CACNG7: variants seen among roughly 807,000 people sequenced by gnomAD.
CACNG7 encodes voltage-dependent calcium channel gamma-7 subunit.
A neutral mutation model predicts 26.3 loss-of-function variants in CACNG7; 9 were observed. That is an observed-to-expected ratio of 0.34 (90% CI 0.21 to 0.60). The LOEUF (loss-of-function observed/expected upper bound fraction) is 0.60. Among genes scored for constraint, CACNG7 ranks in the 20% least tolerant of loss-of-function variants. The pLI is 0.81. For missense variants in CACNG7, 297 were observed against 380.4 expected, an observed-to-expected ratio of 0.78 and a Z score of 1.82; for synonymous variants, 170 against 157.0, an observed-to-expected ratio of 1.08 and a Z score of -0.62.
chr19:53,923,771 T>C (rs1599982523), intron 4 of CACNG7, among the ~76,000 whole-genome samples: 1 of 102,938 alleles, frequency 9.7e-6, no homozygotes, highest in Non-Finnish European at 1.9e-5. Flanking sequence ...TTGCCCCAGG[T>C]CTGGTCATTG....
At chr19:53,922,078 T>TC (rs551639405) in intron 4 of CACNG7, among the ~76,000 whole-genome samples, 1 of 85,636 alleles carries the variant, frequency 1.2e-5, no homozygotes, top group African/African-American at 6.0e-5. Context: ...CCAGGTCTGG[T>TC]ATTGGTGGAG....
chr19:53,920,829 T>C (rs1362718026), intron 4 of CACNG7, among the ~76,000 whole-genome samples: 3 of 92,870 alleles, frequency 3.2e-5, no homozygotes, highest in South Asian at 7.8e-4. Context: ...TTGGTGGAGT[T>C]GTCCCCAGGC....
Position 53,915,420 on chromosome 19 carries a change from G to A in CACNG7, c.339G>A (p.Thr113=), listed in dbSNP as rs762782484. 5.0e-6 allele frequency: 8 copies of A among 1,613,772 alleles called. No individual in the cohort carries two copies. Among genetic ancestry groups the A allele is most frequent in the Non-Finnish European group, 5.9e-6 (7 of 1,179,988 alleles). The change falls in exon 4 of 6, where the codon ACG becomes ACA. Residue 113 remains threonine (T), a synonymous_variant. Coordinates refer to ENST00000391767, the MANE Select transcript of CACNG7 (RefSeq NM_031896.5). ...TGGTCAGCCTCTTCCTCGTGTTCAC[G>A]GCCTTCGTCATCAGCAACATCGGCC... ...FPMVSLFLVF[T]AFVISNIGHI... is the part of the protein sequence containing the mutation.
At chr19:53,922,710 G>C (rs1489488948) in intron 4 of CACNG7, among the ~76,000 whole-genome samples, 3 of 71,210 alleles carry the variant, frequency 4.2e-5, no homozygotes, top group African/African-American at 2.8e-4. Context: ...GTCATTGGTG[G>C]AGTTGCCCCA....
At chr19:53,931,915 CCA>C (rs2069075574) in intron 4 of CACNG7, among the ~76,000 whole-genome samples, 2 of 150,936 alleles carry the variant, frequency 1.3e-5, no homozygotes, top group African/African-American at 4.9e-5. Context: ...GCGGCCACCA[CCA>C]CGCCCGGCTA....
At chr19:53,915,340 CT>C (rs1217209809) in intron 3 of CACNG7, 24 bp from the exon 4 acceptor site, 3 of 1,580,774 alleles carry the variant, frequency 1.9e-6, no homozygotes, top group East Asian at 2.2e-5. Flanking sequence ...CCCCTCACCC[CT>C]GTCTCTCCCC....
At chr19:53,931,759 C>CTTTT (rs776971448) in intron 4 of CACNG7, among the ~76,000 whole-genome samples, 6 of 108,756 alleles carry the variant, frequency 5.5e-5, no homozygotes, top group Non-Finnish European at 9.3e-5. Context: ...ACAACGCTGA[C>CTTTT]TTTTTTTTTT....
chr19:53,919,330 C>T (rs1416616597), intron 4 of CACNG7, among the ~76,000 whole-genome samples: 1 of 152,160 alleles, frequency 6.6e-6, no homozygotes, highest in African/African-American at 2.4e-5. Flanking sequence ...CAGACCTGGT[C>T]ATTGGTGGAG....
chr19:53,927,636 G>T (rs191845400), intron 4 of CACNG7, among the ~76,000 whole-genome samples: 1 of 152,156 alleles, frequency 6.6e-6, no homozygotes, highest in Non-Finnish European at 1.5e-5. Flanking sequence ...TTAGGAGTTC[G>T]AGACCAGACT....
intron 4 of CACNG7, among the ~76,000 whole-genome samples, chr19:53,928,244 TC>T (rs751084054): frequency 3.4e-4 from 52 of 151,764 alleles, no homozygotes; most frequent in South Asian, 6.2e-4. Context: ...TGGTCCTGAT[TC>T]TGCTTATGGA....
chr19:53,923,130 GTC>G (rs2068978864), intron 4 of CACNG7, among the ~76,000 whole-genome samples: 2 of 126,500 alleles, frequency 1.6e-5, no homozygotes, highest in African/African-American at 6.7e-5. Flanking sequence ...CCCAGGTCTG[GTC>G]ATTGGTGGAG....
chr19:53,942,669 C>T lies in CACNG7; in HGVS notation c.*376C>T, dbSNP rs1335754236. On this transcript the variant is annotated 3_prime_UTR_variant, in exon 6 of 6. Transcript: ENST00000391767. This position sits in a 1 kb window ranked among gnomAD's most constrained non-coding sequence, Gnocchi z 5.9. ...GCCCAGCTCCCCAGAGCTCCCCAAC[C>T]TCGGACCTCACCGCAGGGGCGCTGG... 18 of 834,494 alleles carry T rather than the reference C, an allele frequency of 2.2e-5. No individual in the cohort carries two copies. Among genetic ancestry groups the T allele is most frequent in the Admixed American group, 4.9e-5 (1 of 20,394 alleles). The allele number at this position is 834,494 out of a possible 1,614,324, so 51.7% of individuals were successfully genotyped here. A position where few individuals can be genotyped will look rare whatever the true frequency, so the allele number is the denominator to read the frequency against.
intron 1 of CACNG7, among the ~76,000 whole-genome samples, chr19:53,910,094 G>T (rs554185059): frequency 6.6e-6 from 1 of 152,274 alleles, no homozygotes; most frequent in East Asian, 1.9e-4. Context: ...ATTGGAGCAA[G>T]GTTGGGTTTT....
At chr19:53,941,826 T>C (rs1473321005) in intron 5 of CACNG7, among the ~76,000 whole-genome samples, 3 of 151,930 alleles carry the variant, frequency 2.0e-5, no homozygotes, top group Non-Finnish European at 4.4e-5. Context: ...GTCTGGAGAC[T>C]GGGACTCCTG....
intron 3 of CACNG7, 88 bp from the exon 4 acceptor site, chr19:53,915,277 G>A (rs544217308): frequency 1.2e-5 from 12 of 978,412 alleles, no homozygotes; most frequent in Non-Finnish European, 1.8e-5. Flanking sequence ...CAAAAACGCA[G>A]AGGTGGTGAG....
chr19:53,920,736 G>A (rs1234655230), intron 4 of CACNG7, among the ~76,000 whole-genome samples: 2 of 116,914 alleles, frequency 1.7e-5, no homozygotes, highest in African/African-American at 8.9e-5. Flanking sequence ...TCCCAGGCTG[G>A]TCATTGGTGG....
At chr19:53,923,410 G>T (rs1301179036) in intron 4 of CACNG7, among the ~76,000 whole-genome samples, 36 of 140,948 alleles carry the variant, frequency 2.6e-4, no homozygotes, top group Non-Finnish European at 2.6e-4. Flanking sequence ...TATTGGTGGA[G>T]TTGTCCCCAG....
At position 53,940,084 on chromosome 19, in the gene CACNG7, A is replaced by G. The variant is rs1229550492; in HGVS notation, c.425-1386A>G. Among the ~76,000 whole-genome samples the G allele has an allele frequency of 6.6e-6, 1 of 152,108 alleles. No individual in the cohort carries two copies. The highest frequency in any genetic ancestry group is 1.5e-5 in the Non-Finnish European group (1 of 68,034). On this transcript the variant is annotated intron_variant, in intron 4 of 5. Transcript: ENST00000391767. This position sits in a 1 kb window ranked among gnomAD's most constrained non-coding sequence, Gnocchi z 4.1. ...TGTAGGATTCTAGGGGAAGAGGTTG[A>G]TAGGGATTAGTTAGATACATTTAAG...
At position 53,915,358 on chromosome 19, in the gene CACNG7, TC is replaced by T; in HGVS notation, c.284-3del. 1 of 1,399,372 alleles carries T rather than the reference TC, an allele frequency of 7.1e-7. No individual in the cohort carries two copies. The highest frequency in any genetic ancestry group is 9.9e-7 in the Non-Finnish European group (1 of 1,009,742). 86.7% of individuals were successfully genotyped at this position (1,399,372 alleles called of 1,614,324 possible). A position where few individuals can be genotyped will look rare whatever the true frequency, so the allele number is the denominator to read the frequency against. Reference sequence around the variant, plus strand: ...CTCACCCCTGTCTCTCCCCATCCCCTCCCCAGAGACAGTGCGCACGGCCACC... The same window carrying T: ...CTCACCCCTGTCTCTCCCCATCCCCTCCCAGAGACAGTGCGCACGGCCACC... On this transcript the variant is annotated splice_region_variant and splice_polypyrimidine_tract_variant and intron_variant, in intron 3 of 5. Coordinates refer to ENST00000391767, the MANE Select transcript of CACNG7 (RefSeq NM_031896.5).
Sources: allele counts gnomAD v4.1 joint callset (sites outside exome capture counted in the v4.1 genomes callset), GRCh38; gene constraint gnomAD v4.1.1; non-coding constraint Gnocchi (gnomAD v3.1); transcripts MANE v1.5; gene names NCBI Gene and HGNC (gene_info 2026-07-23, HGNC 2026-07-21).